SCHIP1: variants seen among roughly 807,000 people sequenced by gnomAD.
The protein encoded by SCHIP1 is schwannomin-interacting protein 1.
In SCHIP1, 8 loss-of-function variants were observed where a neutral mutation model predicts 29.7. The observed-to-expected ratio is 0.27, with a 90% CI of 0.16 to 0.49. The LOEUF is 0.49. Ranked by LOEUF, SCHIP1 falls within the 20% of genes least tolerant of loss-of-function variation. The pLI is 0.99. For missense variants in SCHIP1, 193 were observed against 294.6 expected (o/e 0.66, Z 2.52); for synonymous variants, 76 against 94.9 (o/e 0.80, Z 1.16).
At chr3:159,510,333 A>C in the SCHIP1 span, among the ~76,000 whole-genome samples, 1 of 152,058 alleles carries the variant, frequency 6.6e-6, no homozygotes, top group South Asian at 2.1e-4. Flanking sequence ...TCCTTTAAGG[A>C]CTTCTCTGCA....
the SCHIP1 span, among the ~76,000 whole-genome samples, chr3:159,734,455 T>C: frequency 6.6e-6 from 1 of 152,082 alleles, no homozygotes; most frequent in African/African-American, 2.4e-5. Flanking sequence ...TGTTATCTTT[T>C]ATAAGATAAG....
chr3:159,679,319 T>C, the SCHIP1 span, among the ~76,000 whole-genome samples: 4 of 152,216 alleles, frequency 2.6e-5, no homozygotes, highest in Non-Finnish European at 4.4e-5. Context: ...AGGAAGGAAA[T>C]TAATTTTATT....
chr3:159,505,177 T>C, the SCHIP1 span, among the ~76,000 whole-genome samples: 1 of 152,196 alleles, frequency 6.6e-6, no homozygotes, highest in Admixed American at 6.5e-5. Flanking sequence ...TAAAGTTTCC[T>C]GTGTAACTTC....
chr3:159,860,007 GTGTCTGTC>G (rs1234574778), intron 1 of SCHIP1, among the ~76,000 whole-genome samples: 3 of 151,556 alleles, frequency 2.0e-5, no homozygotes, highest in South Asian at 2.1e-4. Context: ...GTGTGTGTGT[GTGTCTGTC>G]TGTCTGTCTG....
the SCHIP1 span, among the ~76,000 whole-genome samples, chr3:159,466,564 A>G: frequency 1.3e-5 from 2 of 152,186 alleles, no homozygotes; most frequent in Admixed American, 1.3e-4. Context: ...CTACCGTGAC[A>G]GATGAAAATT....
the SCHIP1 span, among the ~76,000 whole-genome samples, chr3:159,639,532 T>C: frequency 1.3e-5 from 2 of 152,196 alleles, 1 homozygote; most frequent in South Asian, 4.1e-4. Context: ...GTGTGTTTTA[T>C]GGCTAAATAA....
chr3:159,673,428 T>C, the SCHIP1 span, among the ~76,000 whole-genome samples: 1 of 152,242 alleles, frequency 6.6e-6, no homozygotes, highest in African/African-American at 2.4e-5. Flanking sequence ...AGTATGCAGA[T>C]ACCATTGCTT....
the SCHIP1 span, among the ~76,000 whole-genome samples, chr3:159,757,138 T>G: frequency 6.6e-6 from 1 of 152,236 alleles, no homozygotes; most frequent in Non-Finnish European, 1.5e-5. Context: ...CTGGTACAAA[T>G]TTACTGTATT....
chr3:159,580,941 A>G, the SCHIP1 span, among the ~76,000 whole-genome samples: 1 of 152,168 alleles, frequency 6.6e-6, no homozygotes, highest in African/African-American at 2.4e-5. Context: ...AGCATTCATA[A>G]GGTGGCAGGG....
At chr3:159,741,810 T>C in the SCHIP1 span, among the ~76,000 whole-genome samples, 1 of 152,170 alleles carries the variant, frequency 6.6e-6, no homozygotes, top group Admixed American at 6.5e-5. Context: ...TCCAGGAGTA[T>C]GGATTTGAGG....
the SCHIP1 span, chr3:159,764,421 A>C: frequency 6.4e-7 from 1 of 1,556,914 alleles, no homozygotes; most frequent in South Asian, 1.2e-5. The surrounding 1 kb of genome is among the most constrained non-coding windows in gnomAD (Gnocchi z 6.1). Context: ...CCAGCAGCTC[A>C]CTCTCTACCT....
chr3:159,301,090 T>G, the SCHIP1 span, among the ~76,000 whole-genome samples: 1 of 152,220 alleles, frequency 6.6e-6, no homozygotes, highest in Non-Finnish European at 1.5e-5. Context: ...AGTACATATA[T>G]GTACATATAT....
chr3:159,761,632 T>G, the SCHIP1 span, among the ~76,000 whole-genome samples: 8,641 of 152,260 alleles, frequency 0.057, 317 homozygotes, highest in South Asian at 0.2. Context: ...GAAACTGGGC[T>G]AGCCAGGCAC....
chr3:159,692,624 C>G, the SCHIP1 span, among the ~76,000 whole-genome samples: 11 of 152,286 alleles, frequency 7.2e-5, no homozygotes, highest in African/African-American at 2.6e-4. Context: ...AGCAATTCCT[C>G]TAAACTTTTA....
the SCHIP1 span, among the ~76,000 whole-genome samples, chr3:159,496,806 G>A: frequency 5.9e-5 from 9 of 152,066 alleles, no homozygotes; most frequent in Admixed American, 1.3e-4. Flanking sequence ...ACATGCACAC[G>A]TATGTTTATT....
chr3:159,727,935 T>G, the SCHIP1 span, among the ~76,000 whole-genome samples: 10 of 151,824 alleles, frequency 6.6e-5, no homozygotes, highest in Admixed American at 6.6e-4. Context: ...TTTTTTTTTT[T>G]GGTTTGTTTG....
chr3:159,613,781 G>A, the SCHIP1 span, among the ~76,000 whole-genome samples: 1 of 152,146 alleles, frequency 6.6e-6, no homozygotes, highest in Non-Finnish European at 1.5e-5. Context: ...TCAAAAAGAA[G>A]TTAACATGCA....
At chr3:159,721,536 G>A in the SCHIP1 span, 906 of 176,064 alleles carry the variant, frequency 5.1e-3, 14 homozygotes, top group African/African-American at 0.02. Flanking sequence ...CTGCCTGTTC[G>A]TCTTCTTGAA....
At chr3:159,657,106 C>T in the SCHIP1 span, among the ~76,000 whole-genome samples, 1 of 152,152 alleles carries the variant, frequency 6.6e-6, no homozygotes, top group Non-Finnish European at 1.5e-5. Flanking sequence ...ATGTGCTACT[C>T]TAAGTCTACA....
Sources: gnomAD v4.1 joint callset for allele counts (sites outside exome capture counted in the v4.1 genomes callset) on GRCh38, gnomAD v4.1.1 for gene constraint, Gnocchi (gnomAD v3.1) non-coding constraint, MANE v1.5 for transcripts, NCBI Gene and HGNC (gene_info 2026-07-23, HGNC 2026-07-21) for gene names.